The following SPMAP2L variants were observed in gnomAD, a reference collection of about 807,000 sequenced individuals.
SPMAP2L encodes sperm microtubule associated protein 2-like.
At chr4:56,542,267 AC>A in the SPMAP2L span, among the ~76,000 whole-genome samples, 4 of 152,186 alleles carry the variant, frequency 2.6e-5, no homozygotes. Flanking sequence ...CTTTAAAAAG[AC>A]CACAACTGCT....
At chr4:56,559,691 C>T in the SPMAP2L span, among the ~76,000 whole-genome samples, 9 of 152,254 alleles carry the variant, frequency 5.9e-5, no homozygotes, top group South Asian at 1.9e-3. Context: ...CCTCAGCCTC[C>T]CGAGTAGCTG....
At chr4:56,574,483 T>C in the SPMAP2L span, among the ~76,000 whole-genome samples, 26 of 152,264 alleles carry the variant, frequency 1.7e-4, 2 homozygotes, top group South Asian at 5.2e-3. Context: ...AATTCATAGT[T>C]AACAAGCCCC....
chr4:56,622,003 A>G, the SPMAP2L span, among the ~76,000 whole-genome samples: 1 of 152,226 alleles, frequency 6.6e-6, no homozygotes, highest in African/African-American at 2.4e-5. Flanking sequence ...GTTAATAATA[A>G]TGATCAATAT....
chr4:56,603,137 G>A, the SPMAP2L span: 1 of 1,047,732 alleles, frequency 9.5e-7, no homozygotes. Flanking sequence ...ACATACAGTG[G>A]ATGCTTGAGA....
the SPMAP2L span, chr4:56,603,111 A>C: frequency 1.5e-6 from 1 of 686,498 alleles, no homozygotes; most frequent in African/African-American, 1.8e-5. Flanking sequence ...AAAATGGGAT[A>C]ATATCATAGT....
the SPMAP2L span, among the ~76,000 whole-genome samples, chr4:56,543,973 TGAGAGAGAGA>T: frequency 0.035 from 4,476 of 127,052 alleles, 176 homozygotes; most frequent in East Asian, 0.19. Context: ...TGTGTGTATG[TGAGAGAGAGA>T]GAGAGAGAGA....
At chr4:56,606,481 C>G in the SPMAP2L span, among the ~76,000 whole-genome samples, 1 of 152,120 alleles carries the variant, frequency 6.6e-6, no homozygotes, top group East Asian at 1.9e-4. Flanking sequence ...CTGATATTTC[C>G]CATATAGGTG....
chr4:56,609,162 C>T, the SPMAP2L span, among the ~76,000 whole-genome samples: 1 of 150,970 alleles, frequency 6.6e-6, no homozygotes, highest in African/African-American at 2.4e-5. Context: ...TGTTTCTCTG[C>T]CCCCCGAGTA....
At chr4:56,583,577 G>C in the SPMAP2L span, among the ~76,000 whole-genome samples, 1,780 of 152,280 alleles carry the variant, frequency 0.012, 16 homozygotes, top group Middle Eastern at 0.031. Context: ...TCGTAGGTTT[G>C]TCATTTAATT....
At chr4:56,603,493 T>C in the SPMAP2L span, 1 of 485,508 alleles carries the variant, frequency 2.1e-6, no homozygotes. Context: ...GTTGTTGCTG[T>C]TAACCTGTCG....
the SPMAP2L span, among the ~76,000 whole-genome samples, chr4:56,616,085 G>T: frequency 6.6e-6 from 1 of 152,166 alleles, no homozygotes; most frequent in Non-Finnish European, 1.5e-5. Flanking sequence ...GGATTAGTTT[G>T]CTAGGGCTGC....
the SPMAP2L span, among the ~76,000 whole-genome samples, chr4:56,541,949 C>T: frequency 1.3e-5 from 2 of 152,126 alleles, no homozygotes; most frequent in African/African-American, 4.8e-5. Flanking sequence ...CATGCCCTGC[C>T]ACAATTATTC....
At chr4:56,568,003 T>C in the SPMAP2L span, among the ~76,000 whole-genome samples, 4 of 152,186 alleles carry the variant, frequency 2.6e-5, no homozygotes, top group Non-Finnish European at 4.4e-5. Context: ...CCACAGCACA[T>C]TGAATCTGTT....
At chr4:56,583,847 GAAATT>G in the SPMAP2L span, among the ~76,000 whole-genome samples, 1 of 151,984 alleles carries the variant, frequency 6.6e-6, no homozygotes, top group Admixed American at 6.6e-5. Flanking sequence ...TTTTTATAAT[GAAATT>G]AAATTAAAAT....
the SPMAP2L span, among the ~76,000 whole-genome samples, chr4:56,602,622 G>A: frequency 6.6e-6 from 1 of 152,122 alleles, no homozygotes; most frequent in East Asian, 1.9e-4. Flanking sequence ...TTGAGCCTGG[G>A]AGGAGGAGGT....
chr4:56,539,761 A>G, the SPMAP2L span, among the ~76,000 whole-genome samples: 2 of 152,174 alleles, frequency 1.3e-5, no homozygotes, highest in African/African-American at 2.4e-5. Context: ...AAAACTTTTT[A>G]GAGAGAGTCT....
At chr4:56,550,382 A>T in the SPMAP2L span, among the ~76,000 whole-genome samples, 1 of 152,192 alleles carries the variant, frequency 6.6e-6, no homozygotes. Context: ...TTAAAAAAAA[A>T]TAGGTTTTCT....
At chr4:56,547,125 A>G in the SPMAP2L span, among the ~76,000 whole-genome samples, 8 of 152,190 alleles carry the variant, frequency 5.3e-5, no homozygotes, top group South Asian at 4.1e-4. Context: ...AGCCATTGAT[A>G]CACTGAAGTT....
chr4:56,598,035 AT>A, the SPMAP2L span, among the ~76,000 whole-genome samples: 2 of 152,008 alleles, frequency 1.3e-5, no homozygotes, highest in Admixed American at 6.6e-5. Context: ...AGTTTTAAAA[AT>A]TTTTTTGTAG....
Sources: gnomAD v4.1 joint callset for allele counts (sites outside exome capture counted in the v4.1 genomes callset) on GRCh38, gnomAD v4.1.1 for gene constraint, MANE v1.5 for transcripts, NCBI Gene and HGNC (gene_info 2026-07-23, HGNC 2026-07-21) for gene names.